The following OSBPL10 variants were observed in gnomAD, a reference collection of about 807,000 sequenced individuals.
The protein encoded by OSBPL10 is oxysterol-binding protein-related protein 10.
In OSBPL10, 49 loss-of-function variants were observed where a neutral mutation model predicts 81.7. The ratio of observed to expected loss-of-function variants is 0.60; its 90% CI spans 0.48 to 0.76. The LOEUF (loss-of-function observed/expected upper bound fraction) is 0.76, where lower values mean the gene tolerates loss of function less well. Ranked by LOEUF, OSBPL10 falls within the 30% of genes least tolerant of loss-of-function variation. OSBPL10 has a pLI of 0.00. For missense variants in OSBPL10, 923 were observed against 987.8 expected (o/e 0.93, Z 0.88); for synonymous variants, 419 against 383.6 (o/e 1.09, Z -1.08).
At chr3:31,763,513 AAGG>A (rs766221808) in intron 4 of OSBPL10, among the ~76,000 whole-genome samples, 99 of 152,330 alleles carry the variant, frequency 6.5e-4, no homozygotes, top group Non-Finnish European at 1.1e-3. Context: ...TTTATTTTGC[AAGG>A]AGAATAGGAT....
intron 3 of OSBPL10, among the ~76,000 whole-genome samples, chr3:31,872,644 CATG>C (rs1458985803): frequency 6.3e-5 from 8 of 127,292 alleles, no homozygotes; most frequent in Non-Finnish European, 9.4e-5. Context: ...TTTTTTGAGA[CATG>C]ATCTCACTCT....
chr3:32,001,738 T>TAA (rs35743873), intron 2 of OSBPL10, among the ~76,000 whole-genome samples: 26 of 144,296 alleles, frequency 1.8e-4, no homozygotes, highest in African/African-American at 4.6e-4. Context: ...ATATCAAGTG[T>TAA]AAAAAAAAAA....
At chr3:31,783,855 T>C (rs1259972949) in intron 4 of OSBPL10, among the ~76,000 whole-genome samples, 1 of 99,462 alleles carries the variant, frequency 1.0e-5, no homozygotes, top group Non-Finnish European at 2.1e-5. Context: ...TATATATATA[T>C]ATATGAATGA....
At chr3:31,731,738 C>A (rs1696978398) in intron 6 of OSBPL10, among the ~76,000 whole-genome samples, 1 of 152,196 alleles carries the variant, frequency 6.6e-6, no homozygotes, top group Non-Finnish European at 1.5e-5. Context: ...CCGTCTGCCT[C>A]AGCCTACCAA....
At chr3:31,913,351 C>T (rs1028926594) in intron 1 of OSBPL10, among the ~76,000 whole-genome samples, 9 of 151,844 alleles carry the variant, frequency 5.9e-5, no homozygotes, top group Non-Finnish European at 2.9e-5. Flanking sequence ...CAGGTTCAAG[C>T]GATTCTCCTG....
chr3:31,848,244 T>C (rs1047644034), intron 3 of OSBPL10, among the ~76,000 whole-genome samples: 2 of 151,962 alleles, frequency 1.3e-5, no homozygotes, highest in Non-Finnish European at 2.9e-5. Flanking sequence ...CTTGGTGAAC[T>C]GCCTTCCTTG....
Position 31,759,018 on chromosome 3 carries a change from T to C in OSBPL10, c.730-10898A>G, listed in dbSNP as rs922118544. ...CATCATTGTTTAGTTGACAGAACTA[T>C]GAAGAGTGAAGAAAAAAATATTTTT... is the stretch of plus-strand genomic sequence containing the variant. On this transcript the variant is annotated intron_variant, in intron 4 of 11. Coordinates refer to ENST00000396556, the MANE Select transcript of OSBPL10 (RefSeq NM_017784.5). Among the ~76,000 whole-genome samples, 5 of 152,148 alleles carry C rather than the reference T, an allele frequency of 3.3e-5. No individual in the cohort carries two copies. The South Asian group carries it at 8.3e-4, about 25-fold the overall frequency.
At chr3:31,984,097 G>A (rs140008995), upstream of OSBPL10, among the ~76,000 whole-genome samples, 2 of 152,190 alleles carry the variant, frequency 1.3e-5, no homozygotes, top group Non-Finnish European at 2.9e-5. Context: ...GAGTGTAGTG[G>A]CACGACCTCA....
chr3:31,683,815 T>C lies in OSBPL10; in HGVS notation c.1545A>G (p.Pro515=), dbSNP rs147953655. Residue 515 remains proline (P), a synonymous_variant, in exon 8 of 12, where the codon CCA becomes CCG. Coordinates refer to ENST00000396556, the MANE Select transcript of OSBPL10 (RefSeq NM_017784.5). ...AGCTTTTGGAAGGGTCATCGGCCAT[T>C]GGGTGTTCGTGACAGCTGGCAGGAG... ...SRSPASCHEH[P]MADDPSKSYK... 2.5e-4 allele frequency: 398 copies of C among 1,614,184 alleles called. No individual in the cohort carries two copies. In the African/African-American group the frequency reaches 3.6e-3, roughly 15 times the overall value.
intron 3 of OSBPL10, among the ~76,000 whole-genome samples, chr3:31,864,011 C>G (rs1022375058): frequency 6.6e-6 from 1 of 152,230 alleles, no homozygotes; most frequent in Middle Eastern, 3.4e-3. Context: ...TGAACATGCA[C>G]TAACTGGTTT....
chr3:31,835,399 G>C (rs769162762), intron 3 of OSBPL10, among the ~76,000 whole-genome samples: 1 of 152,046 alleles, frequency 6.6e-6, no homozygotes, highest in African/African-American at 2.4e-5. Flanking sequence ...AACCTCTTAA[G>C]ACATGTATCA....
chr3:31,965,924 A>ATATAAAATAGATAATATATAT (rs1698385809), intron 1 of OSBPL10, among the ~76,000 whole-genome samples: 1 of 114,392 alleles, frequency 8.7e-6, no homozygotes, highest in African/African-American at 3.5e-5. Context: ...ATAATATATA[A>ATATAAAATAGATAATATATAT]TATATATTAT....
chr3:31,900,153 A>T (rs1466372279), intron 1 of OSBPL10, among the ~76,000 whole-genome samples: 1 of 151,288 alleles, frequency 6.6e-6, no homozygotes, highest in Non-Finnish European at 1.5e-5. Context: ...CTTCCCCAGT[A>T]GCTGGGACTA....
intron 2 of OSBPL10, among the ~76,000 whole-genome samples, chr3:32,031,509 T>C (rs2125552619): frequency 6.6e-6 from 1 of 152,182 alleles, no homozygotes; most frequent in Non-Finnish European, 1.5e-5. Context: ...TCACCCCAGC[T>C]GGAGTGCAGT....
intron 10 of OSBPL10, 148 bp from the exon 11 acceptor site, chr3:31,664,380 G>C: frequency 4.1e-6 from 3 of 725,770 alleles, no homozygotes; most frequent in Non-Finnish European, 6.7e-6. Context: ...AAGACCCCGA[G>C]AGCCTAGATT....
intron 4 of OSBPL10, among the ~76,000 whole-genome samples, chr3:31,789,602 C>T (rs1441431675): frequency 6.6e-6 from 1 of 152,182 alleles, no homozygotes; most frequent in Non-Finnish European, 1.5e-5. Flanking sequence ...CACTGCCAGG[C>T]AGGGGCACTG....
At chr3:32,046,876 A>C (rs887317962) in intron 1 of OSBPL10, among the ~76,000 whole-genome samples, 1 of 152,236 alleles carries the variant, frequency 6.6e-6, no homozygotes, top group Non-Finnish European at 1.5e-5. Context: ...GTGGTGGAAC[A>C]GGGACATGCA....
chr3:31,779,600 ATAGTGGGGGAC>A (rs199519021), intron 4 of OSBPL10, among the ~76,000 whole-genome samples: 6,532 of 152,298 alleles, frequency 0.043, 473 homozygotes, highest in African/African-American at 0.15. Context: ...CAATACAATC[ATAGTGGGGGAC>A]TTCATTACTC....
chr3:31,837,598 C>T (rs1300512000), intron 3 of OSBPL10, among the ~76,000 whole-genome samples: 1 of 149,132 alleles, frequency 6.7e-6, no homozygotes, highest in Non-Finnish European at 1.5e-5. Context: ...GAAGCACTAG[C>T]CAACAAAATA....
Sources: gnomAD v4.1 joint callset for allele counts (sites outside exome capture counted in the v4.1 genomes callset) on GRCh38, gnomAD v4.1.1 for gene constraint, MANE v1.5 for transcripts, NCBI Gene and HGNC (gene_info 2026-07-23, HGNC 2026-07-21) for gene names.